Variants in BTBD3 observed in about 807,000 individuals in gnomAD.
The protein encoded by BTBD3 is BTB/POZ domain-containing protein 3.
In BTBD3, 14 loss-of-function variants were observed where a neutral mutation model predicts 41.6. That is an observed-to-expected ratio of 0.34 (90% CI 0.22 to 0.53). The LOEUF is 0.53. Among genes scored for constraint, BTBD3 ranks in the 20% least tolerant of loss-of-function variants. The pLI is 0.95. For synonymous variants in BTBD3, 249 were observed against 233.7 expected (o/e 1.07, Z -0.60); for missense variants, 426 against 654.7 (o/e 0.65, Z 3.81).
intron 1 of BTBD3, among the ~76,000 whole-genome samples, chr20:11,907,820 C>T (rs986384464): frequency 2.0e-5 from 3 of 152,052 alleles, no homozygotes; most frequent in African/African-American, 7.2e-5. Context: ...GAGGATGAGT[C>T]AAAAGATCTA....
At chr20:11,891,943 A>T (rs1015003256) in intron 1 of BTBD3, among the ~76,000 whole-genome samples, 1 of 152,170 alleles carries the variant, frequency 6.6e-6, no homozygotes, top group African/African-American at 2.4e-5. Context: ...CTTAAAGCCC[A>T]ATCGCACACC....
At chr20:11,917,855 C>A, upstream of BTBD3, 1 of 939,580 alleles carries the variant, frequency 1.1e-6, no homozygotes, top group Non-Finnish European at 1.3e-6. Context: ...CTGACTCCAT[C>A]TGCAGGGCTG....
chr20:11,913,106 A>G (rs916795006), upstream of BTBD3, among the ~76,000 whole-genome samples: 29 of 152,326 alleles, frequency 1.9e-4, no homozygotes, highest in South Asian at 4.1e-4. Flanking sequence ...TTTGGAAGTG[A>G]TAGGTATTTC....
chr20:11,915,530 G>A (rs1416424280), upstream of BTBD3, among the ~76,000 whole-genome samples: 1 of 152,118 alleles, frequency 6.6e-6, no homozygotes, highest in Non-Finnish European at 1.5e-5. Flanking sequence ...TGCAGATTCT[G>A]ATCCAGAGTC....
At chr20:11,890,970 G>T in intron 1 of BTBD3, 1 of 982,642 alleles carries the variant, frequency 1.0e-6, no homozygotes, top group Non-Finnish European at 1.2e-6. Context: ...TGAGGGCGCC[G>T]CGGGCGAGCG....
chr20:11,899,490 C>T (rs1600228583), intron 1 of BTBD3, among the ~76,000 whole-genome samples: 1 of 152,142 alleles, frequency 6.6e-6, no homozygotes, highest in African/African-American at 2.4e-5. Context: ...TTGGACACTT[C>T]CCTTTATTTT....
chr20:11,898,274 C>T (rs2056801205), intron 1 of BTBD3, among the ~76,000 whole-genome samples: 1 of 152,162 alleles, frequency 6.6e-6, no homozygotes, highest in South Asian at 2.1e-4. Flanking sequence ...CCTTCCTTAC[C>T]TCCTTGCTAA....
rs574217257 is a variant in BTBD3, at chr20:11,899,124, A to G, written c.-126+8170A>G. Reference sequence around the variant, plus strand: ...ATAACTATTTGCTCTCCCCCTTTTAATGCCTTCTTGCTGTTTGGGACATCT... The same window carrying G: ...ATAACTATTTGCTCTCCCCCTTTTAGTGCCTTCTTGCTGTTTGGGACATCT... On this transcript the variant is annotated intron_variant, in intron 1 of 4. Coordinates refer to the BTBD3 transcript ENST00000254977. Among the ~76,000 whole-genome samples, 16 of 152,146 alleles carry G rather than the reference A, an allele frequency of 1.1e-4. No individual in the cohort carries two copies. In the South Asian group the frequency reaches 3.1e-3, roughly 30 times the overall value.
At chr20:11,901,348 T>C (rs923065534) in intron 1 of BTBD3, among the ~76,000 whole-genome samples, 3 of 152,154 alleles carry the variant, frequency 2.0e-5, no homozygotes, top group African/African-American at 7.2e-5. Flanking sequence ...ACAGGATGAA[T>C]AAGTGCTTGA....
In BTBD3 at chr20:11,891,179, G is replaced by GA. The variant is rs1331936931; in HGVS notation, c.-126+225_-126+226insA. The GA allele has an allele frequency of 2.8e-3, 450 of 158,752 alleles. 7 individuals are homozygous for GA. Among genetic ancestry groups the GA allele is most frequent in the Non-Finnish European group, 3.3e-3 (274 of 82,274 alleles). The allele number at this position is 158,752 out of a possible 1,614,324, so 9.8% of individuals were successfully genotyped here. ...TGGCCGCGCGGGCTGGCTTTCCGAG[G>GA]GGGGGGGGGTCCCAGTGGGGCGCGT... On this transcript the variant is annotated intron_variant, in intron 1 of 4. Transcript: ENST00000254977.
At chr20:11,915,064 G>A (rs943580205), upstream of BTBD3, among the ~76,000 whole-genome samples, 15 of 152,154 alleles carry the variant, frequency 9.9e-5, no homozygotes, top group African/African-American at 3.1e-4. Flanking sequence ...AACTAGATTG[G>A]TTGCTAATTT....
At chr20:11,898,316 A>G (rs2056801671) in intron 1 of BTBD3, among the ~76,000 whole-genome samples, 1 of 151,994 alleles carries the variant, frequency 6.6e-6, no homozygotes, top group Non-Finnish European at 1.5e-5. Flanking sequence ...TTTCCATTTT[A>G]GGTCTTTGCA....
intron 1 of BTBD3, among the ~76,000 whole-genome samples, chr20:11,892,889 C>T (rs2122150202): frequency 6.6e-6 from 1 of 152,208 alleles, no homozygotes; most frequent in South Asian, 2.1e-4. Context: ...AAATGCCATG[C>T]TTAGCTTTTA....
At chr20:11,904,914 G>T (rs1040349848) in intron 1 of BTBD3, among the ~76,000 whole-genome samples, 21 of 152,060 alleles carry the variant, frequency 1.4e-4, no homozygotes, top group African/African-American at 4.8e-4. Flanking sequence ...ATTGTACTTT[G>T]GATCTTTTAC....
chr20:11,915,961 G>A (rs2056915537), upstream of BTBD3, among the ~76,000 whole-genome samples: 1 of 151,974 alleles, frequency 6.6e-6, no homozygotes, highest in Non-Finnish European at 1.5e-5. Context: ...AGACTTCTTG[G>A]TGATGGGTAT....
At position 11,926,270 on chromosome 20, in the gene BTBD3, A is replaced by G. The variant is rs1414235606; in HGVS notation, c.*2604A>G. The G allele has an allele frequency of 2.0e-5, 3 of 152,666 alleles. No homozygotes were observed. The highest frequency in any genetic ancestry group is 2.9e-5 in the Non-Finnish European group (2 of 68,032). The allele number at this position is 152,666 out of a possible 1,614,324, so 9.5% of individuals were successfully genotyped here. A position where few individuals can be genotyped will look rare whatever the true frequency, so the allele number is the denominator to read the frequency against. On this transcript the variant is annotated 3_prime_UTR_variant, in exon 4 of 4. Coordinates refer to ENST00000378226, the MANE Select transcript of BTBD3 (RefSeq NM_014962.4). ...TCTGGGGATAAAGGGGAACTAGGCT[A>G]GCAGTTCTAATGTGACATTCTTTAA...
intron 1 of BTBD3, chr20:11,891,180 G>GT (rs1480901923): frequency 4.4e-5 from 7 of 158,012 alleles, no homozygotes; most frequent in South Asian, 2.0e-4. Context: ...CTTTCCGAGG[G>GT]GGGGGGGGTC....
intron 1 of BTBD3, among the ~76,000 whole-genome samples, chr20:11,898,765 G>T (rs2056805940): frequency 6.6e-6 from 1 of 152,130 alleles, no homozygotes; most frequent in African/African-American, 2.4e-5. Flanking sequence ...CAAGGGAGAA[G>T]TTCAAGAACA....
intron 1 of BTBD3, among the ~76,000 whole-genome samples, chr20:11,903,223 G>T (rs1160632902): frequency 6.6e-6 from 1 of 151,998 alleles, no homozygotes; most frequent in East Asian, 1.9e-4. Context: ...TATTAAAATG[G>T]CACTGTAGGA....
Sources: allele counts gnomAD v4.1 joint callset (sites outside exome capture counted in the v4.1 genomes callset), GRCh38; gene constraint gnomAD v4.1.1; transcripts MANE v1.5; gene names NCBI Gene and HGNC (gene_info 2026-07-23, HGNC 2026-07-21).